Variants in COL23A1 observed in about 807,000 individuals in gnomAD.
COL23A1 encodes collagen alpha-1(XXIII) chain.
COL23A1 carries 97 observed loss-of-function variants against 99.3 expected under a neutral mutation model. The ratio of observed to expected loss-of-function variants is 0.98; its 90% confidence interval spans 0.83 to 1.16. The LOEUF (loss-of-function observed/expected upper bound fraction) is 1.16. Among genes scored for constraint, COL23A1 ranks in the 50% most tolerant of loss-of-function variants. The pLI is 0.00. For missense variants in COL23A1, 762 were observed against 757.4 expected, an observed-to-expected ratio of 1.01 and a Z score of -0.07; for synonymous variants, 320 against 308.2, an observed-to-expected ratio of 1.04 and a Z score of -0.40.
rs1012451591 is a variant in COL23A1, at chr5:178,428,548, G to A, written c.362-121629C>T. Among the ~76,000 whole-genome samples, 2 of 152,224 alleles carry A rather than the reference G, an allele frequency of 1.3e-5. No homozygotes were observed. The highest frequency in any genetic ancestry group is 6.5e-5 in the Admixed American group (1 of 15,294). Reference sequence around the variant, plus strand: ...CAGGAGCCGCGGCAGGGTGCCCAGCGGGGCCTCTTGGATGCTCCTCCTGGC... The same window carrying A: ...CAGGAGCCGCGGCAGGGTGCCCAGCAGGGCCTCTTGGATGCTCCTCCTGGC... On this transcript the variant is annotated intron_variant, in intron 2 of 28. Coordinates refer to ENST00000390654, the MANE Select transcript of COL23A1 (RefSeq NM_173465.4). This position sits in a 1 kb window ranked among gnomAD's most constrained non-coding sequence, Gnocchi z 5.0.
chr5:178,320,638 C>T (rs1209778141), intron 2 of COL23A1, among the ~76,000 whole-genome samples: 6 of 152,208 alleles, frequency 3.9e-5, no homozygotes, highest in Non-Finnish European at 8.8e-5. Flanking sequence ...GGCTACAAGG[C>T]CCGCCCAGTT....
At chr5:178,381,644 G>A (rs1220207827) in intron 2 of COL23A1, among the ~76,000 whole-genome samples, 1 of 152,200 alleles carries the variant, frequency 6.6e-6, no homozygotes, top group Non-Finnish European at 1.5e-5. Flanking sequence ...GGCCTGGAGT[G>A]GTTTTTTTTG....
chr5:178,247,557 A>G lies in COL23A1; in HGVS notation c.1270-5T>C. On this transcript the variant is annotated splice_polypyrimidine_tract_variant and splice_region_variant and intron_variant, in intron 21 of 28. Transcript: ENST00000390654. ...ACCCTGGATTCCCTGGAGGCCCTGC[A>G]GGAGGAGGAAGCAGATAAGAAGGCT... 6.2e-7 allele frequency: 1 copy of G among 1,613,986 alleles called. No homozygotes were observed. The highest frequency in any genetic ancestry group is 8.5e-7 in the Non-Finnish European group (1 of 1,179,876).
intron 2 of COL23A1, among the ~76,000 whole-genome samples, chr5:178,518,792 G>A (rs1255979091): frequency 6.7e-6 from 1 of 149,712 alleles, no homozygotes; most frequent in Admixed American, 6.6e-5. Flanking sequence ...CAAGGCAGGC[G>A]GCTGCTCCTT....
intron 2 of COL23A1, among the ~76,000 whole-genome samples, chr5:178,418,601 A>C (rs1765434159): frequency 6.6e-6 from 1 of 152,194 alleles, no homozygotes; most frequent in Admixed American, 6.5e-5. Context: ...CTTGGGTGCC[A>C]GGCGGCTGGC....
chr5:178,590,364 C>T lies in COL23A1; in HGVS notation c.-167G>A. 1 of 507,230 alleles carries T rather than the reference C, an allele frequency of 2.0e-6. No individual in the cohort carries two copies. Among genetic ancestry groups the T allele is most frequent in the Non-Finnish European group, 2.9e-6 (1 of 348,296 alleles). The allele number at this position is 507,230 out of a possible 1,614,324, so 31.4% of individuals were successfully genotyped here. A position where few individuals can be genotyped will look rare whatever the true frequency, so the allele number is the denominator to read the frequency against. The stretch of plus-strand genomic sequence containing the variant: ...CGCACGCCCCCTTCGCCGCAGCCAG[C>T]TCCTCCACAGCGGCCACTTTGGGCA... On this transcript the variant is annotated 5_prime_UTR_variant, in exon 1 of 29. Transcript: ENST00000390654. The surrounding 1 kb of genome is among the most constrained non-coding windows in gnomAD (Gnocchi z 5.7).
rs542574951 is a variant in COL23A1, at chr5:178,589,799, C to G, written c.294+105G>C. The G allele has an allele frequency of 4.7e-3, 5,157 of 1,094,300 alleles. 21 individuals are homozygous for G. The highest frequency in any genetic ancestry group is 4.7e-3 in the Non-Finnish European group (4,106 of 867,380). 67.8% of individuals were successfully genotyped at this position (1,094,300 alleles called of 1,614,324 possible). A position where few individuals can be genotyped will look rare whatever the true frequency, so the allele number is the denominator to read the frequency against. ...GCCCCGAGCGCACGCAGCCGGCGGG[C>G]GACCCTCCTCCCAGAGACCTGCACG... is the stretch of plus-strand genomic sequence containing the variant. On this transcript the variant is annotated intron_variant, in intron 1 of 28. Coordinates refer to ENST00000390654, the MANE Select transcript of COL23A1 (RefSeq NM_173465.4). The surrounding 1 kb of genome is among the most constrained non-coding windows in gnomAD (Gnocchi z 5.4).
intron 17 of COL23A1, among the ~76,000 whole-genome samples, chr5:178,250,987 A>AG (rs1390958191): frequency 2.0e-5 from 3 of 150,812 alleles, no homozygotes; most frequent in Admixed American, 6.6e-5. Flanking sequence ...TCAAAAAAAA[A>AG]AAAAAAAAAA....
chr5:178,241,306 A>G (rs751183553), intron 27 of COL23A1, among the ~76,000 whole-genome samples: 2 of 152,104 alleles, frequency 1.3e-5, no homozygotes, highest in Non-Finnish European at 2.9e-5. Context: ...TGGGCTGCCA[A>G]AGGCCACTGA....
intron 1 of COL23A1, chr5:178,562,367 A>T (rs1377633417): frequency 5.3e-6 from 1 of 188,070 alleles, no homozygotes; most frequent in African/African-American, 2.4e-5. Flanking sequence ...ATCCTGGCTA[A>T]CATGGTGAAA....
chr5:178,454,974 G>A (rs996576119), intron 2 of COL23A1, among the ~76,000 whole-genome samples: 1 of 152,168 alleles, frequency 6.6e-6, no homozygotes, highest in Non-Finnish European at 1.5e-5. Context: ...GGAGGCGCCT[G>A]CCATCCTTGG....
chr5:178,551,195 T>C (rs1322812423), intron 2 of COL23A1, among the ~76,000 whole-genome samples: 4 of 28,864 alleles, frequency 1.4e-4, no homozygotes, highest in Non-Finnish European at 5.9e-4. Flanking sequence ...TATATTTAAA[T>C]ATATATAAAT....
At chr5:178,535,419 C>G (rs1270996413) in intron 2 of COL23A1, among the ~76,000 whole-genome samples, 1 of 152,248 alleles carries the variant, frequency 6.6e-6, no homozygotes, top group Non-Finnish European at 1.5e-5. Flanking sequence ...GTGGGCAAGG[C>G]CACAAGCTGA....
intron 2 of COL23A1, among the ~76,000 whole-genome samples, chr5:178,430,565 C>T (rs571884494): frequency 8.5e-5 from 13 of 152,286 alleles, no homozygotes; most frequent in South Asian, 2.1e-4. Flanking sequence ...CCACGTGTGA[C>T]GTGCGCAGCA....
At chr5:178,359,431 G>C (rs898333694) in intron 2 of COL23A1, among the ~76,000 whole-genome samples, 2 of 152,198 alleles carry the variant, frequency 1.3e-5, no homozygotes, top group East Asian at 3.9e-4. Context: ...GGGAAGCTGA[G>C]GCAGGAGAAT....
At chr5:178,486,832 GC>G (rs1757658066) in intron 2 of COL23A1, among the ~76,000 whole-genome samples, 1 of 152,166 alleles carries the variant, frequency 6.6e-6, no homozygotes, top group Non-Finnish European at 1.5e-5. Flanking sequence ...ACTGTGTCTC[GC>G]CTTGGACTTC....
rs935591754 is a variant in COL23A1, at chr5:178,387,988, G to A, written c.362-81069C>T. Among the ~76,000 whole-genome samples the A allele has an allele frequency of 6.6e-6, 1 of 151,940 alleles. No homozygotes were observed. Among genetic ancestry groups the A allele is most frequent in the African/African-American group, 2.4e-5 (1 of 41,364 alleles). ...AGGAGATTGATGCAGAAAGCCCCCC[G>A]CCACCATGGCCACCGCCCACCGACA... On this transcript the variant is annotated intron_variant, in intron 2 of 28. Coordinates refer to ENST00000390654, the MANE Select transcript of COL23A1 (RefSeq NM_173465.4). The surrounding 1 kb of genome is among the most constrained non-coding windows in gnomAD (Gnocchi z 4.7).
At chr5:178,549,692 G>A (rs1761901212) in intron 2 of COL23A1, among the ~76,000 whole-genome samples, 1 of 152,130 alleles carries the variant, frequency 6.6e-6, no homozygotes, top group Non-Finnish European at 1.5e-5. Flanking sequence ...GTGTGCTCCT[G>A]TAATCCCAGC....
chr5:178,256,258 T>C lies in COL23A1; in HGVS notation c.882+95A>G, dbSNP rs1438729591. 6.1e-6 allele frequency: 5 copies of C among 821,110 alleles called. No individual in the cohort carries two copies. The East Asian group carries it at 1.5e-4, about 24-fold the overall frequency. 50.9% of individuals were successfully genotyped at this position (821,110 alleles called of 1,614,324 possible). On this transcript the variant is annotated intron_variant, in intron 15 of 28. Coordinates refer to ENST00000390654, the MANE Select transcript of COL23A1 (RefSeq NM_173465.4). ...ATACTCCCAGTTCCTGTAGCTCCACTGCTCCTCTGGGGTCTCTGTGGGGAC... is the reference window on the plus strand; with the variant it reads ...ATACTCCCAGTTCCTGTAGCTCCACCGCTCCTCTGGGGTCTCTGTGGGGAC...
Sources: gnomAD v4.1 joint callset for allele counts (sites outside exome capture counted in the v4.1 genomes callset) on GRCh38, gnomAD v4.1.1 for gene constraint, Gnocchi (gnomAD v3.1) non-coding constraint, MANE v1.5 for transcripts, NCBI Gene and HGNC (gene_info 2026-07-23, HGNC 2026-07-21) for gene names.